KDM7A: variants seen among roughly 807,000 people sequenced by gnomAD.
The protein encoded by KDM7A is lysine-specific demethylase 7A.
A neutral mutation model predicts 114.8 loss-of-function variants in KDM7A; 28 were observed. The ratio of observed to expected loss-of-function variants is 0.24; its 90% confidence interval spans 0.18 to 0.33. KDM7A has a LOEUF of 0.33. Ranked by LOEUF, KDM7A falls within the 10% of genes least tolerant of loss-of-function variation. The pLI is 1.00. For missense variants in KDM7A, 942 were observed against 1,142.5 expected (o/e 0.82, Z 2.53); for synonymous variants, 423 against 397.8 (o/e 1.06, Z -0.75).
Position 140,091,945 on chromosome 7 carries a change from G to T in KDM7A, c.2590C>A (p.Leu864Met). ...QNGKYMQNSNLTSGACQISNG... is the reference protein window; with the variant it reads ...QNGKYMQNSNMTSGACQISNG... ...CTTATCTGGCACGCCCCCGAAGTCA[G>T]GTTTGAATTCTGCATATACTTTCCA... Residue 864 changes from leucine (L) to methionine (M), a missense_variant, in exon 19 of 20, where the codon CTG (leucine) becomes ATG (methionine). Around this residue, in one of 4 missense-constraint regions of KDM7A, gnomAD observed 512 missense variants for 576.6 expected, o/e 0.89. Transcript: ENST00000397560. 1 of 1,613,954 alleles carries T rather than the reference G, an allele frequency of 6.2e-7. No individual in the cohort carries two copies. The highest frequency in any genetic ancestry group is 8.5e-7 in the Non-Finnish European group (1 of 1,179,996).
At chr7:140,170,967 G>A (rs929826097) in intron 1 of KDM7A, among the ~76,000 whole-genome samples, 2 of 152,070 alleles carry the variant, frequency 1.3e-5, no homozygotes, top group Non-Finnish European at 2.9e-5. Flanking sequence ...TGGCACATCT[G>A]TAATCCCAGC....
At chr7:140,159,664 C>T (rs900039704) in intron 1 of KDM7A, among the ~76,000 whole-genome samples, 2 of 151,590 alleles carry the variant, frequency 1.3e-5, no homozygotes, top group African/African-American at 4.9e-5. Context: ...TACTGAGGAC[C>T]GTCCTGAGGC....
chr7:140,151,747 A>C (rs933147489), intron 1 of KDM7A, among the ~76,000 whole-genome samples: 2 of 152,222 alleles, frequency 1.3e-5, no homozygotes, highest in African/African-American at 4.8e-5. Flanking sequence ...TTGGAATGTC[A>C]GTAAAAGAAG....
At chr7:140,153,690 CATT>C (rs1197974103) in intron 1 of KDM7A, among the ~76,000 whole-genome samples, 8 of 152,148 alleles carry the variant, frequency 5.3e-5, no homozygotes, top group African/African-American at 1.9e-4. Context: ...TAATTTAAAA[CATT>C]ATGCCATTTA....
At chr7:140,121,809 A>G (rs1004834613) in intron 7 of KDM7A, among the ~76,000 whole-genome samples, 1 of 152,172 alleles carries the variant, frequency 6.6e-6, no homozygotes, top group African/African-American at 2.4e-5. Flanking sequence ...ATTATTATAT[A>G]TATCTGTATA....
At chr7:140,119,542 A>T (rs1435096935) in intron 8 of KDM7A, among the ~76,000 whole-genome samples, 1 of 152,206 alleles carries the variant, frequency 6.6e-6, no homozygotes, top group Non-Finnish European at 1.5e-5. Context: ...TGTTTCAGAA[A>T]ACACCTCTAT....
In KDM7A at chr7:140,119,155, T is replaced by C. The variant is rs1818578948; in HGVS notation, c.1204A>G (p.Ile402Val). The C allele has an allele frequency of 6.2e-7, 1 of 1,609,054 alleles. No homozygotes were observed. Among genetic ancestry groups the C allele is most frequent in the Middle Eastern group, 1.7e-4 (1 of 6,038 alleles). The stretch of plus-strand genomic sequence containing the variant: ...AAGTTTTTGGCTACAAACCAACATA[T>C]GGCTTCAAAGAAAGGGAATTTGAAA... ...DLFKFPFFEAICWFVAKNLLE... is the reference protein window; with the variant it reads ...DLFKFPFFEAVCWFVAKNLLE... Residue 402 changes from isoleucine (I) to valine (V), a missense_variant, in exon 9 of 20, where the codon ATA (isoleucine) becomes GTA (valine). Around this residue, in one of 4 missense-constraint regions of KDM7A, gnomAD observed 318 missense variants for 453.1 expected, o/e 0.70. Coordinates refer to ENST00000397560, the MANE Select transcript of KDM7A (RefSeq NM_030647.2).
At chr7:140,155,396 A>C (rs761589222) in intron 1 of KDM7A, among the ~76,000 whole-genome samples, 4 of 152,226 alleles carry the variant, frequency 2.6e-5, no homozygotes, top group Non-Finnish European at 5.9e-5. Context: ...CAAAGGTATA[A>C]TCTAGCACCA....
At chr7:140,140,439 A>ATGCAAATAACATG in intron 1 of KDM7A, among the ~76,000 whole-genome samples, 1 of 152,216 alleles carries the variant, frequency 6.6e-6, no homozygotes, top group Non-Finnish European at 1.5e-5. Flanking sequence ...GGATACTTCT[A>ATGCAAATAACATG]AAACATCCTA....
chr7:140,090,907 G>C lies in KDM7A; in HGVS notation c.*187C>G. On this transcript the variant is annotated 3_prime_UTR_variant, in exon 20 of 20. Transcript: ENST00000397560. ...CCCTCCTTCTTCCTCTCCCCCACCAGGTCCAAAATGGTTATTGCTGAGTGG... is the reference window on the plus strand; with the variant it reads ...CCCTCCTTCTTCCTCTCCCCCACCACGTCCAAAATGGTTATTGCTGAGTGG... The C allele has an allele frequency of 5.3e-6, 3 of 565,612 alleles. No individual in the cohort carries two copies. The highest frequency in any genetic ancestry group is 9.5e-6 in the Non-Finnish European group (3 of 314,406). The allele number at this position is 565,612 out of a possible 1,614,324, so 35.0% of individuals were successfully genotyped here. A position where few individuals can be genotyped will look rare whatever the true frequency, so the allele number is the denominator to read the frequency against.
In KDM7A at chr7:140,133,541, T is replaced by C. The variant is rs1483684132; in HGVS notation, c.396A>G (p.Pro132=). The C allele has an allele frequency of 3.9e-6, 6 of 1,544,642 alleles. No individual in the cohort carries two copies. Among genetic ancestry groups the C allele is most frequent in the East Asian group, 2.2e-5 (1 of 44,504 alleles). ...TTTATCAGAGTAAGTTTCCATACCT[T>C]GGGAAGACTCGAGAGCGTAATTCCT... The part of the protein sequence containing the change: ...FIKELRSRVF[P]SADEIIIKMH... The change falls in exon 3 of 20, where the codon CCA becomes CCG. Residue 132 remains proline (P), a splice_region_variant and synonymous_variant. Transcript: ENST00000397560.
intron 1 of KDM7A, among the ~76,000 whole-genome samples, chr7:140,162,308 C>G (rs1794529290): frequency 6.7e-6 from 1 of 150,136 alleles, no homozygotes; most frequent in African/African-American, 2.5e-5. Context: ...GCACTCCAGC[C>G]TGGGCAAAAA....
chr7:140,124,274 A>G (rs78150964), intron 7 of KDM7A, among the ~76,000 whole-genome samples: 3,199 of 140,196 alleles, frequency 0.023, 116 homozygotes, highest in African/African-American at 0.08. Flanking sequence ...TTTTTGAGAC[A>G]ATGAAAATGT....
chr7:140,124,599 G>T, intron 7 of KDM7A, 22 bp downstream of exon 7: 2 of 1,584,132 alleles, frequency 1.3e-6, no homozygotes, highest in Non-Finnish European at 1.7e-6. Flanking sequence ...ATGTTGAGTA[G>T]GGGATGGGAT....
At chr7:140,115,247 G>C (rs1244382461) in intron 9 of KDM7A, among the ~76,000 whole-genome samples, 1 of 149,126 alleles carries the variant, frequency 6.7e-6, no homozygotes, top group Admixed American at 6.6e-5. Flanking sequence ...GCCCCTTCTG[G>C]GAAGTGAGGA....
chr7:140,170,256 C>T (rs1794623950), intron 1 of KDM7A, among the ~76,000 whole-genome samples: 1 of 152,050 alleles, frequency 6.6e-6, no homozygotes, highest in Non-Finnish European at 1.5e-5. Flanking sequence ...CATAATGTGT[C>T]CCCAAGGCAG....
intron 2 of KDM7A, among the ~76,000 whole-genome samples, chr7:140,137,104 T>G (rs772746009): frequency 1.3e-5 from 2 of 152,154 alleles, no homozygotes; most frequent in South Asian, 4.1e-4. Flanking sequence ...AAGGTGAGCC[T>G]TAAATCCAGA....
chr7:140,108,177 T>C (rs557753410), intron 11 of KDM7A, among the ~76,000 whole-genome samples: 1 of 152,186 alleles, frequency 6.6e-6, no homozygotes, highest in Non-Finnish European at 1.5e-5. Flanking sequence ...ATTTGTCATA[T>C]CTTTTTTTTC....
Position 140,143,388 on chromosome 7 carries a change from G to A in KDM7A, c.195-4198C>T, listed in dbSNP as rs559967179. On this transcript the variant is annotated intron_variant, in intron 1 of 19. Transcript: ENST00000397560. ...TGGCAGGTGGTGTCCTGGGGTTCTA[G>A]ACAATTATTACATGGGTGTATATTT... is the stretch of plus-strand genomic sequence containing the variant. Among the ~76,000 whole-genome samples the A allele has an allele frequency of 3.3e-5, 5 of 152,078 alleles. No individual in the cohort carries two copies. The East Asian group carries it at 9.6e-4, about 29-fold the overall frequency.
Sources: gnomAD v4.1 joint callset for allele counts (sites outside exome capture counted in the v4.1 genomes callset) on GRCh38, gnomAD v4.1.1 for gene constraint, gnomAD v4.1.1 regional missense constraint, MANE v1.5 for transcripts, NCBI Gene and HGNC (gene_info 2026-07-23, HGNC 2026-07-21) for gene names.